Variants in SOX13 observed in about 807,000 individuals in gnomAD.
SOX13 encodes the protein SRY-box transcription factor 13.
In SOX13, 28 loss-of-function variants were observed where a neutral mutation model predicts 71.8. The observed-to-expected ratio is 0.39, with a 90% confidence interval of 0.29 to 0.53. The LOEUF (loss-of-function observed/expected upper bound fraction) is 0.53. SOX13 is among the 20% of genes least tolerant of loss of function. The probability of loss-of-function intolerance (pLI) is 0.70; values close to 1 mark genes in which losing one functional copy is unlikely to be tolerated. For missense variants in SOX13, 627 were observed against 810.3 expected, an observed-to-expected ratio of 0.77 and a Z score of 2.75; for synonymous variants, 309 against 317.8, an observed-to-expected ratio of 0.97 and a Z score of 0.29.
intron 1 of SOX13, among the ~76,000 whole-genome samples, chr1:204,097,091 G>T (rs924147548): frequency 6.6e-6 from 1 of 152,156 alleles, no homozygotes; most frequent in African/African-American, 2.4e-5. Context: ...GGGCAGGGGC[G>T]AGGTCCACTG....
chr1:204,096,747 T>C (rs1278914065), intron 1 of SOX13, among the ~76,000 whole-genome samples: 1 of 152,150 alleles, frequency 6.6e-6, no homozygotes, highest in East Asian at 1.9e-4. Context: ...ATGAGGTTTT[T>C]CCATGTTGCC....
At chr1:204,087,501 T>C (rs1481941699) in intron 1 of SOX13, among the ~76,000 whole-genome samples, 1 of 152,206 alleles carries the variant, frequency 6.6e-6, no homozygotes, top group Admixed American at 6.5e-5. Context: ...ACATCTCCCC[T>C]TTCTGTCTGT....
intron 4 of SOX13, 166 bp from the exon 5 acceptor site, chr1:204,116,341 C>A (rs1445820227): frequency 1.3e-6 from 2 of 1,549,700 alleles, no homozygotes; most frequent in East Asian, 4.9e-5. Context: ...ATGAAGAGCC[C>A]CCTTCAAGGC....
chr1:204,097,287 G>A (rs1276273789), intron 1 of SOX13, among the ~76,000 whole-genome samples: 2 of 152,198 alleles, frequency 1.3e-5, no homozygotes, highest in Non-Finnish European at 2.9e-5. Flanking sequence ...CCATAGAGTG[G>A]AAGATGTGCA....
At chr1:204,078,517 G>A (rs756981502) in intron 1 of SOX13, among the ~76,000 whole-genome samples, 97 of 152,196 alleles carry the variant, frequency 6.4e-4, no homozygotes, top group Admixed American at 1.2e-3. Context: ...TGCTTTGAAT[G>A]GGAGTTATTT....
intron 1 of SOX13, among the ~76,000 whole-genome samples, chr1:204,105,423 T>TTTTTTTTTTTTTTTTA: frequency 2.0e-5 from 3 of 149,924 alleles, no homozygotes; most frequent in Admixed American, 6.6e-5. Flanking sequence ...CTTTTTTTTT[T>TTTTTTTTTTTTTTTTA]GAGACAGAGT....
chr1:204,083,999 A>T (rs1012039624), intron 1 of SOX13, among the ~76,000 whole-genome samples: 2 of 152,146 alleles, frequency 1.3e-5, no homozygotes. Flanking sequence ...GGTCCCCTCC[A>T]CATCTCCCAG....
chr1:204,109,502 G>C (rs528533976), intron 1 of SOX13, among the ~76,000 whole-genome samples: 2 of 152,106 alleles, frequency 1.3e-5, no homozygotes, highest in Non-Finnish European at 2.9e-5. Flanking sequence ...TGCTGTACAG[G>C]TTTGTAGCCT....
In SOX13 at chr1:204,123,702, A is replaced by C. The variant is rs1170603798; in HGVS notation, c.1273A>C (p.Lys425Gln). The change falls in exon 12 of 14, where the codon AAG becomes CAG. Residue 425 changes from lysine to glutamine, a missense_variant. Lys to Gln is a moderately conservative substitution (Grantham distance 53, BLOSUM62 1). Around this residue, in one of 3 missense-constraint regions of SOX13, gnomAD observed 447 missense variants for 532.2 expected, o/e 0.84. Coordinates refer to ENST00000367204, the MANE Select transcript of SOX13 (RefSeq NM_005686.3). This position sits in a 1 kb window ranked among gnomAD's most constrained non-coding sequence, Gnocchi z 5.0. ...CGAGTCCCGAAACAGCAGCCACATCAAGAGGCCCATGAACGCCTTCATGGT... is the reference window on the plus strand; with the variant it reads ...CGAGTCCCGAAACAGCAGCCACATCCAGAGGCCCATGAACGCCTTCATGGT... ...FPESRNSSHI[K>Q]RPMNAFMVWA... 1 of 1,614,128 alleles carries C rather than the reference A, an allele frequency of 6.2e-7. No homozygotes were observed. Among genetic ancestry groups the C allele is most frequent in the Admixed American group, 1.7e-5 (1 of 60,020 alleles).
intron 1 of SOX13, among the ~76,000 whole-genome samples, chr1:204,083,886 A>G (rs568766420): frequency 6.6e-6 from 1 of 152,256 alleles, no homozygotes; most frequent in East Asian, 1.9e-4. Context: ...ACAGGGCAGG[A>G]TGTTTCGGGA....
chr1:204,110,808 C>A (rs1284843951), intron 1 of SOX13, among the ~76,000 whole-genome samples: 4 of 151,942 alleles, frequency 2.6e-5, no homozygotes, highest in Non-Finnish European at 5.9e-5. Context: ...CCATACTGCA[C>A]CTGGGAGGTT....
rs1451680403 is a variant in SOX13 at position 204,123,533 on chromosome 1, C to G, written c.1232-128C>G. The stretch of plus-strand genomic sequence containing the variant: ...CATCTGCTCCTGCCTTGCTCCTCCT[C>G]GGCTGGCTGCTGTGGGAGCCTCCTC... On this transcript the variant is annotated intron_variant, in intron 11 of 13. Coordinates refer to ENST00000367204, the MANE Select transcript of SOX13 (RefSeq NM_005686.3). This position sits in a 1 kb window ranked among gnomAD's most constrained non-coding sequence, Gnocchi z 5.0. 3 of 995,910 alleles carry G rather than the reference C, an allele frequency of 3.0e-6. No individual in the cohort carries two copies. Among genetic ancestry groups the G allele is most frequent in the Non-Finnish European group, 2.9e-6 (2 of 688,548 alleles). The allele number at this position is 995,910 out of a possible 1,614,324, so 61.7% of individuals were successfully genotyped here.
rs1231498219 is a variant in SOX13, at chr1:204,073,357, G to C, written c.-356G>C. ...CCGGCTGCGCGTCCGACGAGTCGCA[G>C]AGCAGGACCGCGGAAGGCAGGGAGA... On this transcript the variant is annotated 5_prime_UTR_variant, in exon 1 of 14. Coordinates refer to ENST00000367204, the MANE Select transcript of SOX13 (RefSeq NM_005686.3). This position sits in a 1 kb window ranked among gnomAD's most constrained non-coding sequence, Gnocchi z 6.8. 2.0e-5 allele frequency: 3 copies of C among 152,556 alleles called. No homozygotes were observed. The highest frequency in any genetic ancestry group is 4.4e-5 in the Non-Finnish European group (3 of 68,324). 9.5% of individuals were successfully genotyped at this position (152,556 alleles called of 1,614,324 possible).
rs142444274 is a variant in SOX13, at chr1:204,107,921, G to T, written c.-1-4994G>T. 8.1e-3 allele frequency among the ~76,000 whole-genome samples: 1,227 copies of T among 152,318 alleles called. 12 individuals carry two copies. Among genetic ancestry groups the T allele is most frequent in the African/African-American group, 0.026 (1,076 of 41,562 alleles). ...TGAACAGACTGACACCTCTAAGCTGGCTTGGCTGGTCACCAGGAGCCATTG... is the reference window on the plus strand; with the variant it reads ...TGAACAGACTGACACCTCTAAGCTGTCTTGGCTGGTCACCAGGAGCCATTG... On this transcript the variant is annotated intron_variant, in intron 1 of 13. Transcript: ENST00000367204.
At chr1:204,118,278 C>A (rs1270985288) in intron 7 of SOX13, 5 of 145,918 alleles carry the variant, frequency 3.4e-5, no homozygotes, top group African/African-American at 1.3e-4. Context: ...CAGAGCGAGA[C>A]TCCATTTCAA....
intron 1 of SOX13, among the ~76,000 whole-genome samples, chr1:204,097,004 T>C (rs1029120907): frequency 1.3e-5 from 2 of 152,194 alleles, no homozygotes; most frequent in African/African-American, 4.8e-5. Context: ...GCAGAGCCCC[T>C]TGGGCCCAGG....
chr1:204,089,182 TG>T (rs35005426), intron 1 of SOX13, among the ~76,000 whole-genome samples: 17,802 of 94,962 alleles, frequency 0.19, 1,314 homozygotes, highest in East Asian at 0.45. Flanking sequence ...GGAAGATGCA[TG>T]GGGGGGTGGG....
At chr1:204,109,276 G>C (rs1357457198) in intron 1 of SOX13, among the ~76,000 whole-genome samples, 1 of 151,574 alleles carries the variant, frequency 6.6e-6, no homozygotes, top group African/African-American at 2.4e-5. Context: ...AGGAGAGTCT[G>C]GTCTGATCAG....
chr1:204,088,716 C>T (rs764299498), intron 1 of SOX13, among the ~76,000 whole-genome samples: 3 of 152,120 alleles, frequency 2.0e-5, no homozygotes, highest in Non-Finnish European at 4.4e-5. Flanking sequence ...CCTCTCTGGG[C>T]TTAGCACAGA....
Sources: gnomAD v4.1 joint callset for allele counts (sites outside exome capture counted in the v4.1 genomes callset) on GRCh38, gnomAD v4.1.1 for gene constraint, gnomAD v4.1.1 regional missense constraint, Gnocchi (gnomAD v3.1) non-coding constraint, MANE v1.5 for transcripts, NCBI Gene and HGNC (gene_info 2026-07-23, HGNC 2026-07-21) for gene names.